Variants in ANKS1B observed in about 807,000 individuals in gnomAD.
ANKS1B encodes ankyrin repeat and sterile alpha motif domain-containing protein 1B.
ANKS1B carries 36 observed loss-of-function variants against 148.3 expected under a neutral mutation model. The ratio of observed to expected loss-of-function variants is 0.24; its 90% CI spans 0.19 to 0.32. The LOEUF (loss-of-function observed/expected upper bound fraction) is 0.32, where lower values mean the gene tolerates loss of function less well. Ranked by LOEUF, ANKS1B falls within the 10% of genes least tolerant of loss-of-function variation. The probability of loss-of-function intolerance (pLI) is 1.00; values close to 1 mark genes in which losing one functional copy is unlikely to be tolerated. For synonymous variants in ANKS1B, 542 were observed against 560.8 expected, an observed-to-expected ratio of 0.97 and a Z score of 0.47; for missense variants, 1,157 against 1,542.6, an observed-to-expected ratio of 0.75 and a Z score of 4.19.
chr12:99,859,834 T>C lies in ANKS1B; in HGVS notation c.135-34445A>G, dbSNP rs144963234. 7.1e-3 allele frequency among the ~76,000 whole-genome samples: 1,086 copies of C among 152,152 alleles called. 10 individuals carry two copies. The highest frequency in any genetic ancestry group is 0.025 in the African/African-American group (1,024 of 41,528). ...GCTAATTTTTATATGTTTTAGTAGA[T>C]ACAGGGTTTCATCATGTTGGCCAGG... is the stretch of plus-strand genomic sequence containing the variant. On this transcript the variant is annotated intron_variant, in intron 1 of 26. Transcript: ENST00000683438.
chr12:99,445,713 T>C (rs964166839), intron 10 of ANKS1B, among the ~76,000 whole-genome samples: 3 of 151,890 alleles, frequency 2.0e-5, no homozygotes, highest in African/African-American at 7.3e-5. Flanking sequence ...AGAAGTATAC[T>C]GTTGGGTTTT....
chr12:99,154,664 T>C (rs1010297516), intron 14 of ANKS1B: 1 of 1,438,956 alleles, frequency 6.9e-7, no homozygotes, highest in African/African-American at 1.4e-5. Context: ...CAGTACGTCA[T>C]ACAGCCCCCA....
chr12:99,157,333 T>C (rs1176504693), intron 14 of ANKS1B, among the ~76,000 whole-genome samples: 1 of 152,180 alleles, frequency 6.6e-6, no homozygotes, highest in Non-Finnish European at 1.5e-5. Context: ...TAGTTGAATA[T>C]ACTACATGGA....
At chr12:98,828,644 G>A (rs980346053) in intron 19 of ANKS1B, among the ~76,000 whole-genome samples, 4 of 152,186 alleles carry the variant, frequency 2.6e-5, no homozygotes, top group African/African-American at 9.7e-5. Flanking sequence ...AGGTCTGAAC[G>A]TGACAGATCT....
intron 19 of ANKS1B, among the ~76,000 whole-genome samples, chr12:98,816,178 C>G (rs556467915): frequency 2.1e-4 from 32 of 152,334 alleles, no homozygotes; most frequent in Middle Eastern, 3.4e-3. Flanking sequence ...TCACTTCCTT[C>G]AAGTTCTATT....
chr12:99,140,203 G>A (rs2070149179), intron 15 of ANKS1B, among the ~76,000 whole-genome samples: 1 of 152,116 alleles, frequency 6.6e-6, no homozygotes, highest in Non-Finnish European at 1.5e-5. Context: ...AGTACTCTGC[G>A]AACAACCTGC....
chr12:99,552,643 T>C (rs1367092462), intron 9 of ANKS1B, among the ~76,000 whole-genome samples: 1 of 152,166 alleles, frequency 6.6e-6, no homozygotes, highest in Non-Finnish European at 1.5e-5. Context: ...ACAATGATTA[T>C]CAAAAATCAT....
At chr12:99,629,020 T>C (rs776275410) in intron 9 of ANKS1B, among the ~76,000 whole-genome samples, 1 of 152,120 alleles carries the variant, frequency 6.6e-6, no homozygotes, top group Non-Finnish European at 1.5e-5. Context: ...CAAAAATCCA[T>C]CCTACCACTT....
chr12:99,737,416 G>A (rs1419426482), intron 8 of ANKS1B, among the ~76,000 whole-genome samples: 1 of 152,096 alleles, frequency 6.6e-6, no homozygotes, highest in African/African-American at 2.4e-5. Flanking sequence ...CTTATGTTAA[G>A]TGAAATAAGC....
At chr12:99,718,539 G>T (rs1039951965) in intron 8 of ANKS1B, among the ~76,000 whole-genome samples, 1 of 152,190 alleles carries the variant, frequency 6.6e-6, no homozygotes, top group Non-Finnish European at 1.5e-5. Flanking sequence ...TCACTGGCCT[G>T]TTACAGCATG....
chr12:98,800,653 C>T (rs889304553), intron 21 of ANKS1B, among the ~76,000 whole-genome samples: 1 of 102,028 alleles, frequency 9.8e-6, no homozygotes, highest in Non-Finnish European at 2.0e-5. Flanking sequence ...TTTTGAGACC[C>T]AGTGTTTGGT....
chr12:99,119,341 T>C (rs1471381644), intron 15 of ANKS1B, among the ~76,000 whole-genome samples: 1 of 152,174 alleles, frequency 6.6e-6, no homozygotes, highest in East Asian at 1.9e-4. Context: ...CTGGAGGGAA[T>C]GAGCCCCTGC....
intron 8 of ANKS1B, among the ~76,000 whole-genome samples, chr12:99,669,252 C>G (rs184229299): frequency 6.6e-6 from 1 of 152,164 alleles, no homozygotes; most frequent in Non-Finnish European, 1.5e-5. Context: ...CTCACTGCAG[C>G]CTTGACTTCT....
At chr12:99,260,576 G>T (rs992951346) in intron 12 of ANKS1B, among the ~76,000 whole-genome samples, 1 of 152,146 alleles carries the variant, frequency 6.6e-6, no homozygotes, top group East Asian at 1.9e-4. Flanking sequence ...TATATCTAGG[G>T]AGTATGTTTT....
intron 12 of ANKS1B, among the ~76,000 whole-genome samples, chr12:99,254,235 A>G (rs376996488): frequency 1.3e-5 from 2 of 152,230 alleles, no homozygotes; most frequent in East Asian, 1.9e-4. Context: ...GTAAGAATGT[A>G]CTTGCCTGTA....
intron 12 of ANKS1B, among the ~76,000 whole-genome samples, chr12:99,352,410 G>T (rs545162533): frequency 3.3e-5 from 5 of 151,820 alleles, no homozygotes; most frequent in Admixed American, 2.6e-4. Flanking sequence ...GATCTGGGAG[G>T]GGGGAGTCTG....
Position 99,197,241 on chromosome 12 carries a change from T to C in ANKS1B, c.2420-42846A>G, listed in dbSNP as rs997687722. Among the ~76,000 whole-genome samples, 5 of 152,074 alleles carry C rather than the reference T, an allele frequency of 3.3e-5. No individual in the cohort carries two copies. The East Asian group carries it at 7.7e-4, about 23-fold the overall frequency. ...TAATAACAGAAAAGAGTAAGGAATA[T>C]TGGAAAGATGAAAAACCAAATATCC... On this transcript the variant is annotated intron_variant, in intron 14 of 26. Coordinates refer to ENST00000683438, the MANE Select transcript of ANKS1B (RefSeq NM_001352186.2).
chr12:99,666,084 C>T (rs2098505344), intron 8 of ANKS1B, among the ~76,000 whole-genome samples: 2 of 152,170 alleles, frequency 1.3e-5, no homozygotes, highest in Admixed American at 1.3e-4. Context: ...ATCCTTTCCC[C>T]ATTGAAGTGC....
intron 22 of ANKS1B, chr12:98,795,651 AAAT>A (rs1197020915): frequency 8.9e-6 from 4 of 451,846 alleles, no homozygotes. Flanking sequence ...TTTGCACATA[AAAT>A]AAGCCATTTA....
Sources: gnomAD v4.1 joint callset for allele counts (sites outside exome capture counted in the v4.1 genomes callset) on GRCh38, gnomAD v4.1.1 for gene constraint, MANE v1.5 for transcripts, NCBI Gene and HGNC (gene_info 2026-07-23, HGNC 2026-07-21) for gene names.